The following PRCP variants were observed in gnomAD, a reference collection of about 807,000 sequenced individuals.
PRCP encodes the protein lysosomal Pro-X carboxypeptidase.
Under a neutral mutation model 54.2 loss-of-function variants are expected in PRCP, and 46 were observed. The ratio of observed to expected loss-of-function variants is 0.85; its 90% CI spans 0.67 to 1.09. The LOEUF is 1.09. Ranked by LOEUF, PRCP falls within the 50% of genes least tolerant of loss-of-function variation. PRCP has a pLI of 0.00. For synonymous variants in PRCP, 240 were observed against 212.2 expected (o/e 1.13, Z -1.14); for missense variants, 613 against 596.8 (o/e 1.03, Z -0.28).
chr11:82,841,757 A>G (rs17144324), intron 6 of PRCP, among the ~76,000 whole-genome samples: 2,025 of 152,300 alleles, frequency 0.013, 42 homozygotes, highest in African/African-American at 0.045. Flanking sequence ...TCGATTTTTC[A>G]TGGTAAGTCA....
intron 1 of PRCP, among the ~76,000 whole-genome samples, chr11:82,875,123 G>A (rs1285946173): frequency 2.0e-5 from 3 of 152,130 alleles, no homozygotes; most frequent in Non-Finnish European, 4.4e-5. Context: ...GCTGAACTAG[G>A]ACTACATGTA....
At chr11:82,844,483 T>C (rs1424831240) in intron 6 of PRCP, among the ~76,000 whole-genome samples, 1 of 151,730 alleles carries the variant, frequency 6.6e-6, no homozygotes, top group Non-Finnish European at 1.5e-5. Context: ...ACGCCTGTAA[T>C]CCCAGCACTT....
In PRCP at chr11:82,825,000, T is replaced by A; in HGVS notation, c.1397A>T (p.Asp466Val). Residue 466 changes from aspartate (D) to valine (V), a missense_variant, in exon 9 of 9, where the codon GAT (aspartate) becomes GTT (valine). Transcript: ENST00000313010. ...HLDLRTKNALDPMSVLLARSL... is the reference protein window; with the variant it reads ...HLDLRTKNALVPMSVLLARSL... ...GCGGGCTAACAGCACAGACATAGGA[T>A]CCAAGGCATTCTTGGTGCGGAGATC... The A allele has an allele frequency of 6.2e-7, 1 of 1,614,092 alleles. No homozygotes were observed.
intron 1 of PRCP, chr11:82,884,834 T>G (rs1192837126): frequency 6.2e-7 from 1 of 1,613,454 alleles, no homozygotes. Context: ...AGAGGAGTCT[T>G]GTAATGATTT....
intron 1 of PRCP, among the ~76,000 whole-genome samples, chr11:82,886,494 T>C (rs1267455391): frequency 1.3e-5 from 2 of 152,092 alleles, no homozygotes; most frequent in East Asian, 3.9e-4. Context: ...TTCTTGCTCA[T>C]GCTAGTCTCA....
At position 82,900,392 on chromosome 11, in the gene PRCP, C is replaced by A; in HGVS notation, c.11G>T (p.Arg4Leu). 1 of 1,613,524 alleles carries A rather than the reference C, an allele frequency of 6.2e-7. No homozygotes were observed. The highest frequency in any genetic ancestry group is 8.5e-7 in the Non-Finnish European group (1 of 1,179,840). The change falls in exon 1 of 9, where the codon CGA (arginine) becomes CTA (leucine). Residue 4 changes from arginine (R) to leucine (L), a missense_variant. Transcript: ENST00000313010. The part of the protein sequence containing the change: MGR[R>L]ALLLLLLSFL... ...AGACAGAAGCAGGAGCAGGAGGGCT[C>A]GGCGGCCCATGGCTCAGGCTGGAGA...
chr11:82,868,586 AGAG>A (rs1424126150), intron 1 of PRCP, among the ~76,000 whole-genome samples: 1 of 114,848 alleles, frequency 8.7e-6, no homozygotes, highest in Non-Finnish European at 1.8e-5. Context: ...GCTGAAACAC[AGAG>A]AAGAATTTTT....
chr11:82,874,191 A>T (rs1442954112), intron 1 of PRCP, among the ~76,000 whole-genome samples: 1 of 152,204 alleles, frequency 6.6e-6, no homozygotes, highest in African/African-American at 2.4e-5. Flanking sequence ...TTTTGCCACC[A>T]CGACACCAGA....
At chr11:82,899,006 A>T (rs1860185650) in intron 1 of PRCP, among the ~76,000 whole-genome samples, 1 of 151,736 alleles carries the variant, frequency 6.6e-6, no homozygotes, top group Admixed American at 6.5e-5. Context: ...AAATTTTTAA[A>T]TTATTTCTAA....
chr11:82,866,025 C>T (rs1297917874), intron 1 of PRCP, among the ~76,000 whole-genome samples: 1 of 152,180 alleles, frequency 6.6e-6, no homozygotes, highest in Non-Finnish European at 1.5e-5. Context: ...AGGACAAGAT[C>T]AGAGAGCAAG....
intron 1 of PRCP, among the ~76,000 whole-genome samples, chr11:82,897,993 G>A (rs1007385855): frequency 1.3e-5 from 2 of 152,152 alleles, no homozygotes; most frequent in Non-Finnish European, 2.9e-5. Flanking sequence ...TTTATTACTA[G>A]AAGGCATCAA....
intron 1 of PRCP, among the ~76,000 whole-genome samples, chr11:82,874,672 C>T (rs978940539): frequency 1.2e-5 from 1 of 85,314 alleles, no homozygotes; most frequent in African/African-American, 4.1e-5. Context: ...GCCTGGGCAA[C>T]AAAGTGAGAC....
rs1235543390 is a variant in PRCP at position 82,900,219 on chromosome 11, C to T, written c.168+16G>A. The T allele has an allele frequency of 1.9e-6, 3 of 1,613,426 alleles. No individual in the cohort carries two copies. The highest frequency in any genetic ancestry group is 1.1e-5 in the South Asian group (1 of 91,026). On this transcript the variant is annotated intron_variant, in intron 1 of 8. Coordinates refer to ENST00000313010, the MANE Select transcript of PRCP (RefSeq NM_005040.4). ...GCGGTTGGGCCTGGGACGGCGAAGC[C>T]CCCGCTCCCCCTTACCTTCTGTTGG...
chr11:82,867,507 G>A (rs770424116), intron 1 of PRCP, among the ~76,000 whole-genome samples: 4 of 152,194 alleles, frequency 2.6e-5, no homozygotes, highest in African/African-American at 9.7e-5. Context: ...GATTCTATCT[G>A]TTGGTCAAAC....
In PRCP at chr11:82,839,429, T is replaced by C; in HGVS notation, c.922-4A>G. ...TTTTCAAATACTGGCACACTACCTG[T>C]CATTTTAGAAAGATAAATGGGGAAA... is the stretch of plus-strand genomic sequence containing the variant. On this transcript the variant is annotated splice_region_variant and splice_polypyrimidine_tract_variant and intron_variant, in intron 6 of 8. Transcript: ENST00000313010. 1 of 1,606,306 alleles carries C rather than the reference T, an allele frequency of 6.2e-7. No individual in the cohort carries two copies. The highest frequency in any genetic ancestry group is 8.5e-7 in the Non-Finnish European group (1 of 1,174,768).
intron 1 of PRCP, among the ~76,000 whole-genome samples, chr11:82,867,281 G>A (rs1427178053): frequency 1.3e-5 from 2 of 152,160 alleles, no homozygotes; most frequent in African/African-American, 4.8e-5. Flanking sequence ...GAAAAATTCT[G>A]CAGTGCTTAA....
At chr11:82,831,759 T>C (rs571869969) in intron 8 of PRCP, among the ~76,000 whole-genome samples, 113 of 152,190 alleles carry the variant, frequency 7.4e-4, no homozygotes, top group African/African-American at 2.6e-3. Context: ...CTGAGATACA[T>C]GTGCAGAATG....
chr11:82,887,820 A>T (rs1197139484), intron 1 of PRCP, among the ~76,000 whole-genome samples: 1 of 152,184 alleles, frequency 6.6e-6, no homozygotes, highest in African/African-American at 2.4e-5. Flanking sequence ...TAAGACCGTC[A>T]TTCCAAAAGG....
chr11:82,889,535 AAGC>A (rs1859952317), intron 1 of PRCP, among the ~76,000 whole-genome samples: 1 of 152,110 alleles, frequency 6.6e-6, no homozygotes, highest in Non-Finnish European at 1.5e-5. Flanking sequence ...GAAGCTGCAG[AAGC>A]AGCAGCAGAA....
Sources: gnomAD v4.1 joint callset for allele counts (sites outside exome capture counted in the v4.1 genomes callset) on GRCh38, gnomAD v4.1.1 for gene constraint, MANE v1.5 for transcripts, NCBI Gene and HGNC (gene_info 2026-07-23, HGNC 2026-07-21) for gene names.